The following KLRG2 variants were observed in gnomAD, a reference collection of about 807,000 sequenced individuals.
The protein encoded by KLRG2 is killer cell lectin-like receptor subfamily G member 2.
A neutral mutation model predicts 35.4 loss-of-function variants in KLRG2; 39 were observed. That is an observed-to-expected ratio of 1.10 (90% CI 0.85 to 1.44). KLRG2 has a LOEUF of 1.44. Among genes scored for constraint, KLRG2 ranks in the 40% most tolerant of loss-of-function variants. The probability of loss-of-function intolerance (pLI) is 0.00; values close to 1 mark genes in which losing one functional copy is unlikely to be tolerated. For synonymous variants in KLRG2, 283 were observed against 265.8 expected (o/e 1.06, Z -0.63); for missense variants, 632 against 570.9 (o/e 1.11, Z -1.09).
At chr7:139,428,492 C>G in the KLRG2 span, among the ~76,000 whole-genome samples, 2 of 152,104 alleles carry the variant, frequency 1.3e-5, no homozygotes, top group Non-Finnish European at 2.9e-5. Context: ...CCCCTGAGCT[C>G]AAGTGATCCT....
chr7:139,444,616 C>T, the KLRG2 span, among the ~76,000 whole-genome samples: 1 of 152,228 alleles, frequency 6.6e-6, no homozygotes, highest in Non-Finnish European at 1.5e-5. Flanking sequence ...GAGCAGCCCT[C>T]ACCAGGAATG....
chr7:139,463,292 G>A (rs752784640), intron 3 of KLRG2, among the ~76,000 whole-genome samples: 7 of 152,032 alleles, frequency 4.6e-5, no homozygotes, highest in Non-Finnish European at 8.8e-5. Context: ...TACCCAGTCC[G>A]CTCCTGACAT....
the KLRG2 span, among the ~76,000 whole-genome samples, chr7:139,440,085 T>C: frequency 3.3e-5 from 5 of 152,080 alleles, no homozygotes; most frequent in Admixed American, 3.3e-4. Flanking sequence ...ATGTGCTCTC[T>C]ACGGGCATGT....
chr7:139,481,719 T>C (rs1217079668), intron 1 of KLRG2, among the ~76,000 whole-genome samples: 4 of 151,440 alleles, frequency 2.6e-5, no homozygotes, highest in Non-Finnish European at 5.9e-5. Flanking sequence ...AGGTCAGGAG[T>C]TCCAGACCAG....
At chr7:139,437,540 A>T in the KLRG2 span, among the ~76,000 whole-genome samples, 1 of 151,498 alleles carries the variant, frequency 6.6e-6, no homozygotes, top group African/African-American at 2.4e-5. Context: ...TACTACAACC[A>T]CTGTCTCCCA....
chr7:139,482,922 C>A lies in KLRG2; in HGVS notation c.721G>T (p.Gly241Cys). Reference sequence around the variant, plus strand: ...ACGGCCCGGGGCAGCTTCTCGTCGCCGTCCAACCCCGCGCGGGGCAACAGC... The same window carrying A: ...ACGGCCCGGGGCAGCTTCTCGTCGCAGTCCAACCCCGCGCGGGGCAACAGC... ...AALLPRAGLDGDEKLPRAVTL... is the reference protein window; with the variant it reads ...AALLPRAGLDCDEKLPRAVTL... The change falls in exon 1 of 5, where the codon GGC (glycine) becomes TGC (cysteine). Residue 241 changes from glycine to cysteine, a missense_variant. Gly to Cys is a radical substitution (Grantham distance 159). Transcript: ENST00000340940. The A allele has an allele frequency of 1.3e-6, 2 of 1,492,176 alleles. No individual in the cohort carries two copies. The highest frequency in any genetic ancestry group is 2.9e-5 in the East Asian group (1 of 34,902). 92.4% of individuals were successfully genotyped at this position (1,492,176 alleles called of 1,614,324 possible).
intron 3 of KLRG2, among the ~76,000 whole-genome samples, chr7:139,455,297 T>C (rs1178809180): frequency 6.6e-6 from 1 of 150,872 alleles, no homozygotes; most frequent in Non-Finnish European, 1.5e-5. Flanking sequence ...GAATTAGTGG[T>C]GTGAGCCACT....
chr7:139,479,718 T>G lies in KLRG2; in HGVS notation c.914A>C (p.Tyr305Ser), dbSNP rs1355621962. ...GGCCTGCGCTTCTGCAGAGAAGTAG[T>G]AACAGTGCTCCTCGGACAACACCCA... is the stretch of plus-strand genomic sequence containing the variant. ...PGWVLSEEHC[Y>S]YFSAEAQAWE... Residue 305 changes from tyrosine (Y) to serine (S), a missense_variant, in exon 3 of 5, where the codon TAC becomes TCC. Tyr to Ser is a moderately radical substitution (Grantham distance 144, BLOSUM62 -2). Coordinates refer to ENST00000340940, the MANE Select transcript of KLRG2 (RefSeq NM_198508.4). 1 of 1,614,074 alleles carries G rather than the reference T, an allele frequency of 6.2e-7. No individual in the cohort carries two copies. Among genetic ancestry groups the G allele is most frequent in the East Asian group, 2.2e-5 (1 of 44,876 alleles).
In KLRG2 at chr7:139,452,914, C is replaced by G. The variant is rs1796396442; in HGVS notation, c.*673G>C. 6.6e-6 allele frequency: 1 copy of G among 152,588 alleles called. No individual in the cohort carries two copies. The highest frequency in any genetic ancestry group is 6.5e-5 in the Admixed American group (1 of 15,286). The allele number at this position is 152,588 out of a possible 1,614,324, so 9.5% of individuals were successfully genotyped here. A position where few individuals can be genotyped will look rare whatever the true frequency, so the allele number is the denominator to read the frequency against. On this transcript the variant is annotated 3_prime_UTR_variant, in exon 5 of 5. Coordinates refer to ENST00000340940, the MANE Select transcript of KLRG2 (RefSeq NM_198508.4). ...CTCCTGCCAGGTGGCCCTGTCCTCT[C>G]TGCCTTGTCTCACCCTTGGGCATCA...
chr7:139,437,901 C>G, the KLRG2 span, among the ~76,000 whole-genome samples: 1 of 152,248 alleles, frequency 6.6e-6, no homozygotes, highest in Non-Finnish European at 1.5e-5. Flanking sequence ...GCAGCTTCAT[C>G]TACTTCAGGA....
chr7:139,463,789 G>T (rs1796608593), intron 3 of KLRG2, among the ~76,000 whole-genome samples: 1 of 152,210 alleles, frequency 6.6e-6, no homozygotes, highest in African/African-American at 2.4e-5. Context: ...TGCCTCAGAA[G>T]CTTCCTGGAC....
the KLRG2 span, among the ~76,000 whole-genome samples, chr7:139,428,775 A>G: frequency 1.3e-5 from 2 of 152,210 alleles, no homozygotes; most frequent in Admixed American, 1.3e-4. Context: ...TTTATTAGGT[A>G]TAATGGTGGA....
At chr7:139,465,286 C>T (rs1166202914) in intron 3 of KLRG2, among the ~76,000 whole-genome samples, 1 of 152,234 alleles carries the variant, frequency 6.6e-6, no homozygotes, top group African/African-American at 2.4e-5. Context: ...CTTCCATATC[C>T]TGCACCACCA....
the KLRG2 span, among the ~76,000 whole-genome samples, chr7:139,442,084 G>A: frequency 6.6e-6 from 1 of 152,176 alleles, no homozygotes; most frequent in Non-Finnish European, 1.5e-5. Flanking sequence ...GCAGCCAGCT[G>A]AGCATAATTC....
At chr7:139,482,782 TAGTCGGTC>T (rs1796982705) in intron 1 of KLRG2, 96 bp downstream of exon 1, 1 of 1,099,140 alleles carries the variant, frequency 9.1e-7, no homozygotes, top group African/African-American at 1.6e-5. Flanking sequence ...CTGGGTCCCT[TAGTCGGTC>T]AGCTGCCCAG....
the KLRG2 span, among the ~76,000 whole-genome samples, chr7:139,428,650 G>A: frequency 2.5e-5 from 3 of 119,888 alleles, no homozygotes; most frequent in Non-Finnish European, 4.7e-5. Context: ...GAAACACAAA[G>A]GAGACTGAAG....
At chr7:139,453,753 G>A (rs1018685110) in intron 4 of KLRG2, 46 bp from the exon 5 acceptor site, 13 of 1,609,946 alleles carry the variant, frequency 8.1e-6, no homozygotes, top group East Asian at 2.2e-5. Flanking sequence ...TTAGGGTGCC[G>A]GGGCCTTGCT....
the KLRG2 span, among the ~76,000 whole-genome samples, chr7:139,430,891 C>T: frequency 6.6e-6 from 1 of 151,930 alleles, no homozygotes; most frequent in African/African-American, 2.4e-5. Flanking sequence ...TGCCTATAAT[C>T]CCAGCTACTT....
chr7:139,434,384 C>G, the KLRG2 span, among the ~76,000 whole-genome samples: 2 of 152,268 alleles, frequency 1.3e-5, no homozygotes, highest in Admixed American at 1.3e-4. Flanking sequence ...CGGGCTTCTG[C>G]TTACAGCTGG....
Sources: gnomAD v4.1 joint callset for allele counts (sites outside exome capture counted in the v4.1 genomes callset) on GRCh38, gnomAD v4.1.1 for gene constraint, MANE v1.5 for transcripts, NCBI Gene and HGNC (gene_info 2026-07-23, HGNC 2026-07-21) for gene names.